ADAMTS17: variants seen among roughly 807,000 people sequenced by gnomAD.
ADAMTS17 encodes the protein A disintegrin and metalloproteinase with thrombospondin motifs 17.
A neutral mutation model predicts 141.5 loss-of-function variants in ADAMTS17; 113 were observed. The ratio of observed to expected loss-of-function variants is 0.80; its 90% CI spans 0.69 to 0.93. The LOEUF (loss-of-function observed/expected upper bound fraction) is 0.93. Among genes scored for constraint, ADAMTS17 ranks in the 40% least tolerant of loss-of-function variants. ADAMTS17 has a pLI of 0.00. For synonymous variants in ADAMTS17, 768 were observed against 630.6 expected (o/e 1.22, Z -3.27); for missense variants, 1,659 against 1,517.9 (o/e 1.09, Z -1.54).
chr15:100,282,170 T>C (rs373573608), intron 3 of ADAMTS17, among the ~76,000 whole-genome samples: 4 of 152,204 alleles, frequency 2.6e-5, no homozygotes, highest in Admixed American at 6.5e-5. Flanking sequence ...ACACAACAGG[T>C]TGATATGAAC....
At chr15:100,213,162 G>A (rs1357208780) in intron 7 of ADAMTS17, among the ~76,000 whole-genome samples, 5 of 152,070 alleles carry the variant, frequency 3.3e-5, no homozygotes, top group Admixed American at 1.3e-4. Flanking sequence ...CCCAACTGCA[G>A]GGCCTTTATT....
At chr15:100,063,723 C>G in intron 15 of ADAMTS17, 1 of 1,290,034 alleles carries the variant, frequency 7.8e-7, no homozygotes, top group Non-Finnish European at 1.0e-6. Flanking sequence ...ACGGATCCTC[C>G]GAGCTCCAGC....
intron 18 of ADAMTS17, among the ~76,000 whole-genome samples, chr15:100,021,329 T>C (rs1006573583): frequency 1.3e-5 from 2 of 152,160 alleles, no homozygotes; most frequent in Non-Finnish European, 2.9e-5. Context: ...GGGCGTCATC[T>C]TGGACTGCTC....
At chr15:100,155,613 A>G (rs1166123833) in intron 8 of ADAMTS17, among the ~76,000 whole-genome samples, 2 of 152,236 alleles carry the variant, frequency 1.3e-5, no homozygotes, top group Non-Finnish European at 2.9e-5. Flanking sequence ...TGACATGATA[A>G]TTCTTAAACT....
At position 99,993,296 on chromosome 15, in the gene ADAMTS17, G is replaced by A. The variant is rs1166013072; in HGVS notation, c.2797-96C>T. Reference sequence around the variant, plus strand: ...CTCCAATGTGCCAGGTGCGGTGTGGGGATGATACAAAGATGAAAACCCACA... The same window carrying A: ...CTCCAATGTGCCAGGTGCGGTGTGGAGATGATACAAAGATGAAAACCCACA... On this transcript the variant is annotated intron_variant, in intron 19 of 21. Transcript: ENST00000268070. The surrounding 1 kb of genome is among the most constrained non-coding windows in gnomAD (Gnocchi z 4.3). 18 of 1,529,134 alleles carry A rather than the reference G, an allele frequency of 1.2e-5. No homozygotes were observed. The highest frequency in any genetic ancestry group is 1.6e-5 in the Non-Finnish European group (18 of 1,110,658). 94.7% of individuals were successfully genotyped at this position (1,529,134 alleles called of 1,614,324 possible).
intron 13 of ADAMTS17, among the ~76,000 whole-genome samples, chr15:100,110,294 T>A (rs948242702): frequency 2.3e-4 from 35 of 149,678 alleles, no homozygotes; most frequent in African/African-American, 8.6e-4. Flanking sequence ...AGACAGAGTC[T>A]CACTCTGTTG....
intron 18 of ADAMTS17, among the ~76,000 whole-genome samples, chr15:100,022,309 C>G (rs1304856495): frequency 6.6e-6 from 1 of 152,194 alleles, no homozygotes; most frequent in African/African-American, 2.4e-5. Context: ...CCCCCACCTC[C>G]TCCTCGGCGG....
chr15:100,078,215 C>CT lies in ADAMTS17; in HGVS notation c.2137+18140dup, dbSNP rs201915809. ...CGTAATCCCTATAAAAAAATCCCAG[C>CT]TTTTTTTTTTTTTTGCGAAAAATGA... On this transcript the variant is annotated intron_variant, in intron 15 of 21. Coordinates refer to ENST00000268070, the MANE Select transcript of ADAMTS17 (RefSeq NM_139057.4). Among the ~76,000 whole-genome samples, 326 of 141,690 alleles carry CT rather than the reference C, an allele frequency of 2.3e-3. 1 individual carries two copies. The highest frequency in any genetic ancestry group is 0.011 in the East Asian group (52 of 4,912). 93.0% of individuals were successfully genotyped at this position (141,690 alleles called of 152,430 possible). A position where few individuals can be genotyped will look rare whatever the true frequency, so the allele number is the denominator to read the frequency against.
At chr15:100,030,230 G>A (rs1168671325) in intron 18 of ADAMTS17, among the ~76,000 whole-genome samples, 1 of 152,312 alleles carries the variant, frequency 6.6e-6, no homozygotes, top group Non-Finnish European at 1.5e-5. Context: ...GTCGTGGAAG[G>A]AAAACACGAC....
intron 10 of ADAMTS17, among the ~76,000 whole-genome samples, chr15:100,144,549 C>T (rs1447523638): frequency 1.3e-5 from 2 of 149,080 alleles, no homozygotes; most frequent in Non-Finnish European, 3.0e-5. Flanking sequence ...GACTCCATCT[C>T]GAAAAAAAAA....
intron 8 of ADAMTS17, among the ~76,000 whole-genome samples, chr15:100,178,531 C>T (rs140146567): frequency 8.3e-4 from 127 of 152,226 alleles, no homozygotes; most frequent in African/African-American, 2.3e-3. Context: ...AAAAAGTTTA[C>T]GAAGTTAAGA....
chr15:100,127,328 G>A (rs1180562354), intron 12 of ADAMTS17, among the ~76,000 whole-genome samples: 1 of 152,152 alleles, frequency 6.6e-6, no homozygotes, highest in Non-Finnish European at 1.5e-5. Context: ...AAAGGTGAGA[G>A]GACACACAGA....
chr15:100,095,199 A>G (rs1409239440), intron 15 of ADAMTS17, among the ~76,000 whole-genome samples: 2 of 152,328 alleles, frequency 1.3e-5, no homozygotes, highest in Non-Finnish European at 2.9e-5. Context: ...TGGCAGGCAC[A>G]GCTTCTCACA....
chr15:100,005,550 T>C (rs1367710855), intron 18 of ADAMTS17, among the ~76,000 whole-genome samples: 3 of 152,104 alleles, frequency 2.0e-5, no homozygotes, highest in African/African-American at 7.2e-5. Flanking sequence ...CACTCCGACC[T>C]TCTCTTCTGC....
rs2044266109 is a variant in ADAMTS17 at position 100,281,144 on chromosome 15, A to G, written c.789+85T>C. The G allele has an allele frequency of 4.5e-6, 7 of 1,565,346 alleles. No individual in the cohort carries two copies. The South Asian group carries it at 6.7e-5, about 15-fold the overall frequency. ...AACCCAGCGTCTTCCTCACTTGAGG[A>G]GATGAGGACACAGCACCTGCTTCCA... On this transcript the variant is annotated intron_variant, in intron 4 of 21. Transcript: ENST00000268070.
At chr15:100,050,736 T>G (rs1222930375) in intron 17 of ADAMTS17, among the ~76,000 whole-genome samples, 6 of 152,214 alleles carry the variant, frequency 3.9e-5, no homozygotes, top group Admixed American at 3.9e-4. Flanking sequence ...TATCCAACTC[T>G]CTGGGTTGGC....
rs533325153 is a variant in ADAMTS17 at position 100,035,898 on chromosome 15, T to C, written c.2591+12959A>G. The stretch of plus-strand genomic sequence containing the variant: ...TGCTGAAATAACATGCAGAGAATAC[T>C]GTTATTCTCTGCATGTTATGAGTGT... On this transcript the variant is annotated intron_variant, in intron 18 of 21. Transcript: ENST00000268070. 7.2e-5 allele frequency among the ~76,000 whole-genome samples: 11 copies of C among 152,216 alleles called. No individual in the cohort carries two copies. The South Asian group carries it at 2.3e-3, about 32-fold the overall frequency.
At chr15:100,169,739 G>C (rs1250025262) in intron 8 of ADAMTS17, among the ~76,000 whole-genome samples, 4 of 152,222 alleles carry the variant, frequency 2.6e-5, no homozygotes, top group African/African-American at 9.6e-5. Flanking sequence ...CTCGAAACCA[G>C]CAGGAAAATC....
chr15:100,044,302 C>G (rs150767576), intron 18 of ADAMTS17, among the ~76,000 whole-genome samples: 1 of 152,294 alleles, frequency 6.6e-6, no homozygotes, highest in East Asian at 1.9e-4. Flanking sequence ...TACCCTTATG[C>G]TAGAATGCTT....
Sources: allele counts gnomAD v4.1 joint callset (sites outside exome capture counted in the v4.1 genomes callset), GRCh38; gene constraint gnomAD v4.1.1; non-coding constraint Gnocchi (gnomAD v3.1); transcripts MANE v1.5; gene names NCBI Gene and HGNC (gene_info 2026-07-23, HGNC 2026-07-21).